Variants in PCSK6 observed in about 807,000 individuals in gnomAD.
PCSK6 encodes paired basic amino acid cleaving enzyme 4.
PCSK6 carries 85 observed loss-of-function variants against 123.3 expected under a neutral mutation model. That is an observed-to-expected ratio of 0.69 (90% CI 0.58 to 0.83). The LOEUF is 0.83. Among genes scored for constraint, PCSK6 ranks in the 40% least tolerant of loss-of-function variants. The pLI, the probability that PCSK6 is intolerant of heterozygous loss-of-function variation, is 0.00. For synonymous variants in PCSK6, 508 were observed against 516.0 expected, an observed-to-expected ratio of 0.98 and a Z score of 0.21; for missense variants, 1,191 against 1,282.3, an observed-to-expected ratio of 0.93 and a Z score of 1.09.
intron 7 of PCSK6, among the ~76,000 whole-genome samples, chr15:101,395,861 T>C (rs537447450): frequency 1.3e-5 from 2 of 152,158 alleles, no homozygotes; most frequent in Non-Finnish European, 2.9e-5. Context: ...TGGTCCCTTC[T>C]GAATAACTAG....
chr15:101,462,190 A>G (rs1442342193), intron 1 of PCSK6, among the ~76,000 whole-genome samples: 4 of 152,202 alleles, frequency 2.6e-5, no homozygotes, highest in Non-Finnish European at 4.4e-5. Context: ...GCACGTCTAT[A>G]TACTAGCAAC....
At chr15:101,389,641 C>T in intron 8 of PCSK6, 77 bp from the exon 9 acceptor site, 1 of 1,157,952 alleles carries the variant, frequency 8.6e-7, no homozygotes, top group Non-Finnish European at 1.3e-6. Flanking sequence ...TGGGCTACTT[C>T]AGGTGCCACT....
intron 13 of PCSK6, among the ~76,000 whole-genome samples, chr15:101,333,219 A>C (rs1567147997): frequency 6.6e-6 from 1 of 152,280 alleles, no homozygotes; most frequent in Admixed American, 6.5e-5. Context: ...TCATCACCCC[A>C]CATAGTTGAG....
chr15:101,372,401 T>A (rs1031143720), intron 11 of PCSK6, among the ~76,000 whole-genome samples: 1 of 152,228 alleles, frequency 6.6e-6, no homozygotes, highest in South Asian at 2.1e-4. Context: ...TAAACAGTGA[T>A]GTAATTCCCT....
At chr15:101,313,668 C>T in intron 19 of PCSK6, 163 bp from the exon 20 acceptor site, 2 of 1,017,336 alleles carry the variant, frequency 2.0e-6, no homozygotes, top group Non-Finnish European at 2.8e-6. Context: ...CCGTCCTCAC[C>T]CACTCCCAGG....
At chr15:101,456,313 AG>A (rs2057178462) in intron 1 of PCSK6, among the ~76,000 whole-genome samples, 1 of 152,208 alleles carries the variant, frequency 6.6e-6, no homozygotes, top group Non-Finnish European at 1.5e-5. Flanking sequence ...GACTCTGTGC[AG>A]TCACCGTCTG....
At chr15:101,413,094 C>T (rs2055763201) in intron 6 of PCSK6, among the ~76,000 whole-genome samples, 1 of 151,950 alleles carries the variant, frequency 6.6e-6, no homozygotes. Flanking sequence ...TGGCTAAACG[C>T]TCTCCAAATT....
At chr15:101,409,112 C>A (rs1019991179) in intron 6 of PCSK6, among the ~76,000 whole-genome samples, 1 of 152,230 alleles carries the variant, frequency 6.6e-6, no homozygotes, top group Non-Finnish European at 1.5e-5. Context: ...CCAAATGCAG[C>A]CTACTCCAGA....
chr15:101,458,843 T>A (rs894299903), intron 1 of PCSK6, among the ~76,000 whole-genome samples: 1 of 152,206 alleles, frequency 6.6e-6, no homozygotes, highest in African/African-American at 2.4e-5. Context: ...GTTTTGGGTA[T>A]ACCTCTGTCA....
intron 15 of PCSK6, 40 bp from the exon 16 acceptor site, chr15:101,326,519 C>T: frequency 6.6e-7 from 1 of 1,516,740 alleles, no homozygotes; most frequent in Non-Finnish European, 9.0e-7. Context: ...AGAGAGACGC[C>T]TTCTCCATCT....
At chr15:101,482,899 C>T (rs565904266) in intron 1 of PCSK6, among the ~76,000 whole-genome samples, 21 of 152,276 alleles carry the variant, frequency 1.4e-4, no homozygotes, top group African/African-American at 4.6e-4. Flanking sequence ...GCAGCTGGCT[C>T]GGCTTTGATC....
intron 12 of PCSK6, among the ~76,000 whole-genome samples, chr15:101,369,042 A>G (rs921999808): frequency 2.7e-4 from 41 of 151,906 alleles, no homozygotes; most frequent in Non-Finnish European, 5.2e-4. Flanking sequence ...TCGTGCTATG[A>G]AAGGAGAATG....
At chr15:101,366,806 C>T (rs749780745) in intron 12 of PCSK6, among the ~76,000 whole-genome samples, 19 of 152,168 alleles carry the variant, frequency 1.2e-4, no homozygotes, top group Non-Finnish European at 1.6e-4. Context: ...TCACTAAGGA[C>T]GCCTTTTGAA....
At position 101,403,192 on chromosome 15, in the gene PCSK6, G is replaced by A. The variant is rs575136949; in HGVS notation, c.824-4616C>T. Reference sequence around the variant, plus strand: ...AAGGACAAAAAACCAAACACCGCATGTTCTCACTCATAGGTGGGAATTGAA... The same window carrying A: ...AAGGACAAAAAACCAAACACCGCATATTCTCACTCATAGGTGGGAATTGAA... On this transcript the variant is annotated intron_variant, in intron 6 of 21. Transcript: ENST00000611716. Among the ~76,000 whole-genome samples the A allele has an allele frequency of 6.4e-4, 93 of 146,048 alleles. 2 individuals carry two copies. In the South Asian group the frequency reaches 8.4e-3, roughly 13 times the overall value.
chr15:101,447,970 C>T (rs533769976), intron 1 of PCSK6, among the ~76,000 whole-genome samples: 15 of 152,366 alleles, frequency 9.8e-5, no homozygotes, highest in Non-Finnish European at 1.3e-4. Context: ...TCCCAGGCTG[C>T]GTCCCAGTCC....
At chr15:101,431,919 G>A in intron 3 of PCSK6, 71 bp downstream of exon 3, 1 of 1,100,188 alleles carries the variant, frequency 9.1e-7, no homozygotes, top group African/African-American at 1.5e-5. Context: ...CTTTGTTGAG[G>A]GAAATTAACC....
At chr15:101,395,070 A>G (rs955236377) in intron 7 of PCSK6, among the ~76,000 whole-genome samples, 3 of 152,220 alleles carry the variant, frequency 2.0e-5, no homozygotes, top group Admixed American at 6.5e-5. Context: ...TGCAAATCAA[A>G]AGGTATTTAA....
chr15:101,408,624 C>T (rs535903180), intron 6 of PCSK6, among the ~76,000 whole-genome samples: 3 of 152,190 alleles, frequency 2.0e-5, no homozygotes, highest in Non-Finnish European at 2.9e-5. Flanking sequence ...GGGGAACACC[C>T]GCTCCCTGAC....
intron 1 of PCSK6, among the ~76,000 whole-genome samples, chr15:101,476,942 A>G (rs1389598190): frequency 1.3e-5 from 2 of 152,206 alleles, no homozygotes; most frequent in Admixed American, 6.5e-5. Context: ...ATGAGACGCC[A>G]TAACCAGGGA....
Sources: gnomAD v4.1 joint callset for allele counts (sites outside exome capture counted in the v4.1 genomes callset) on GRCh38, gnomAD v4.1.1 for gene constraint, MANE v1.5 for transcripts, NCBI Gene and HGNC (gene_info 2026-07-23, HGNC 2026-07-21) for gene names.